Variants in MEI4 observed in about 807,000 individuals in gnomAD.
The protein encoded by MEI4 is meiotic double-stranded break formation protein 4, also known as meiosis-specific protein MEI4.
MEI4 carries 27 observed loss-of-function variants against 31.4 expected under a neutral mutation model. The observed-to-expected ratio is 0.86, with a 90% CI of 0.63 to 1.19. The LOEUF (loss-of-function observed/expected upper bound fraction) is 1.19, where lower values mean the gene tolerates loss of function less well. Ranked by LOEUF, MEI4 falls within the 50% of genes most tolerant of loss-of-function variation. The pLI, the probability that MEI4 is intolerant of heterozygous loss-of-function variation, is 0.00. For synonymous variants in MEI4, 122 were observed against 145.4 expected (o/e 0.84, Z 1.16); for missense variants, 329 against 398.9 (o/e 0.82, Z 1.49).
At chr6:77,922,332 C>CTACTT (rs1162009114) in intron 4 of MEI4, among the ~76,000 whole-genome samples, 1 of 151,596 alleles carries the variant, frequency 6.6e-6, no homozygotes, top group Non-Finnish European at 1.5e-5. Context: ...TCTAATTAGT[C>CTACTT]TACTTTTCAG....
intron 2 of MEI4, among the ~76,000 whole-genome samples, chr6:77,750,732 G>C (rs1316291199): frequency 6.6e-6 from 1 of 152,006 alleles, no homozygotes; most frequent in South Asian, 2.1e-4. Flanking sequence ...ATTAACAAAG[G>C]ATATCCAGGA....
chr6:77,713,231 G>T (rs1766506009), intron 2 of MEI4, among the ~76,000 whole-genome samples: 1 of 152,112 alleles, frequency 6.6e-6, no homozygotes, highest in South Asian at 2.1e-4. Flanking sequence ...GGAACTTATG[G>T]TTAAGGATTA....
At chr6:77,819,655 G>A (rs1472942272) in intron 3 of MEI4, among the ~76,000 whole-genome samples, 3 of 152,126 alleles carry the variant, frequency 2.0e-5, no homozygotes, top group African/African-American at 7.2e-5. Flanking sequence ...CTTTAGGACT[G>A]GAATTTGGCA....
intron 1 of MEI4, among the ~76,000 whole-genome samples, chr6:77,665,845 C>T (rs985466266): frequency 2.6e-5 from 4 of 152,098 alleles, no homozygotes; most frequent in African/African-American, 4.8e-5. Context: ...AAGAAGAGGT[C>T]GCTTACCTGA....
rs1162860451 is a variant in MEI4, at chr6:77,820,806, T to C, written c.769-8125T>C. 1.3e-5 allele frequency among the ~76,000 whole-genome samples: 2 copies of C among 152,084 alleles called. No individual in the cohort carries two copies. The highest frequency in any genetic ancestry group is 3.9e-4 in the East Asian group (2 of 5,192). ...ATTGTTCTCTTCTGTTAGTATACATTATACTTCTTTCCTCTGTGAATTCTT... is the reference window on the plus strand; with the variant it reads ...ATTGTTCTCTTCTGTTAGTATACATCATACTTCTTTCCTCTGTGAATTCTT... On this transcript the variant is annotated intron_variant, in intron 3 of 4. Transcript: ENST00000684080. This position sits in a 1 kb window ranked among gnomAD's most constrained non-coding sequence, Gnocchi z 4.5.
At chr6:77,751,060 T>G (rs1767758959) in intron 2 of MEI4, among the ~76,000 whole-genome samples, 1 of 152,144 alleles carries the variant, frequency 6.6e-6, no homozygotes, top group Non-Finnish European at 1.5e-5. Flanking sequence ...AGATGTTCTT[T>G]GAAACCAATA....
At chr6:77,700,187 C>G (rs1766182108) in intron 2 of MEI4, among the ~76,000 whole-genome samples, 1 of 152,218 alleles carries the variant, frequency 6.6e-6, no homozygotes, top group Non-Finnish European at 1.5e-5. Context: ...TGCCCTGCCC[C>G]TAGAGGTGGA....
intron 2 of MEI4, among the ~76,000 whole-genome samples, chr6:77,736,231 A>T (rs893573002): frequency 6.6e-6 from 1 of 151,310 alleles, no homozygotes; most frequent in Non-Finnish European, 1.5e-5. Flanking sequence ...CCCCTCCCCC[A>T]ACCTTGCTGC....
intron 2 of MEI4, among the ~76,000 whole-genome samples, chr6:77,746,156 C>G (rs970387083): frequency 3.9e-5 from 6 of 151,946 alleles, no homozygotes; most frequent in Non-Finnish European, 7.4e-5. Context: ...CACAAAAAAC[C>G]CTTCAAAAAA....
chr6:77,720,946 G>A (rs376650651), intron 2 of MEI4, among the ~76,000 whole-genome samples: 1 of 51,342 alleles, frequency 1.9e-5, no homozygotes, highest in South Asian at 6.5e-4. Context: ...TACTACATAT[G>A]CAGAATCTGA....
intron 4 of MEI4, among the ~76,000 whole-genome samples, chr6:77,895,581 T>C (rs931788490): frequency 4.6e-5 from 7 of 152,282 alleles, no homozygotes; most frequent in Admixed American, 1.3e-4. Context: ...CCTATGACTA[T>C]TCCCTTTAGA....
chr6:77,684,069 T>C (rs1769006946), intron 1 of MEI4, among the ~76,000 whole-genome samples: 1 of 152,124 alleles, frequency 6.6e-6, no homozygotes, highest in African/African-American at 2.4e-5. Flanking sequence ...CATTTTAACT[T>C]GGGTAAGATG....
At chr6:77,693,313 C>G (rs549711311) in intron 2 of MEI4, among the ~76,000 whole-genome samples, 1 of 152,070 alleles carries the variant, frequency 6.6e-6, no homozygotes, top group African/African-American at 2.4e-5. Context: ...TATAATGTCT[C>G]AAATGTTAAA....
intron 2 of MEI4, among the ~76,000 whole-genome samples, chr6:77,712,742 C>T (rs1007426885): frequency 1.3e-5 from 2 of 152,036 alleles, no homozygotes; most frequent in Admixed American, 6.6e-5. Flanking sequence ...GAGGCTAAGG[C>T]AGGTGGATCA....
rs536577844 is a variant in MEI4, at chr6:77,714,622, C to T, written c.232+23719C>T. On this transcript the variant is annotated intron_variant, in intron 2 of 4. Transcript: ENST00000684080. ...ACGTTTTAAACAGTGAATGGATTTA[C>T]GTGATTTAGGAGCTGATTCCATTCA... Among the ~76,000 whole-genome samples, 21 of 152,288 alleles carry T rather than the reference C, an allele frequency of 1.4e-4. 1 individual carries two copies. In the South Asian group the frequency reaches 4.4e-3, roughly 32 times the overall value.
At chr6:77,760,062 A>G (rs1204525266) in intron 2 of MEI4, among the ~76,000 whole-genome samples, 1 of 152,128 alleles carries the variant, frequency 6.6e-6, no homozygotes, top group African/African-American at 2.4e-5. Flanking sequence ...TTATGATGGC[A>G]TGTCTGTCAA....
At chr6:77,711,840 C>G (rs546318504) in intron 2 of MEI4, among the ~76,000 whole-genome samples, 1 of 152,114 alleles carries the variant, frequency 6.6e-6, no homozygotes, top group Non-Finnish European at 1.5e-5. Context: ...TGCTCTTCTT[C>G]AGTATTACCT....
At chr6:77,800,120 C>T (rs1204280090) in intron 3 of MEI4, among the ~76,000 whole-genome samples, 1 of 152,090 alleles carries the variant, frequency 6.6e-6, no homozygotes, top group East Asian at 1.9e-4. Flanking sequence ...ATTCTTCCTA[C>T]CCATGAGCAT....
At chr6:77,757,874 T>C (rs1323510875) in intron 2 of MEI4, among the ~76,000 whole-genome samples, 2 of 152,016 alleles carry the variant, frequency 1.3e-5, no homozygotes, top group African/African-American at 4.8e-5. Context: ...AATATAGAAA[T>C]AGGACAGGCG....
Sources: gnomAD v4.1 joint callset for allele counts (sites outside exome capture counted in the v4.1 genomes callset) on GRCh38, gnomAD v4.1.1 for gene constraint, Gnocchi (gnomAD v3.1) non-coding constraint, MANE v1.5 for transcripts, NCBI Gene and HGNC (gene_info 2026-07-23, HGNC 2026-07-21) for gene names.